The following TMOD3 variants were observed in gnomAD, a reference collection of about 807,000 sequenced individuals.
TMOD3 encodes tropomodulin 3.
Under a neutral mutation model 39.2 loss-of-function variants are expected in TMOD3, and 20 were observed. The ratio of observed to expected loss-of-function variants is 0.51; its 90% confidence interval spans 0.36 to 0.74. The LOEUF (loss-of-function observed/expected upper bound fraction) is 0.74. TMOD3 is among the 30% of genes least tolerant of loss of function. The pLI, the probability that TMOD3 is intolerant of heterozygous loss-of-function variation, is 0.00. For missense variants in TMOD3, 381 were observed against 412.8 expected (o/e 0.92, Z 0.67); for synonymous variants, 143 against 145.8 (o/e 0.98, Z 0.14).
chr15:51,872,865 G>A (rs1485146952), intron 3 of TMOD3, among the ~76,000 whole-genome samples: 1 of 152,096 alleles, frequency 6.6e-6, no homozygotes, highest in Non-Finnish European at 1.5e-5. Context: ...ATGGAGGAGC[G>A]GTCCAGAACA....
At chr15:51,891,501 G>A (rs1383108742) in intron 5 of TMOD3, among the ~76,000 whole-genome samples, 1 of 152,020 alleles carries the variant, frequency 6.6e-6, no homozygotes, top group Non-Finnish European at 1.5e-5. Context: ...TCCTCTTTGG[G>A]GGAATGAGAT....
chr15:51,877,842 A>G (rs542159259), intron 3 of TMOD3, among the ~76,000 whole-genome samples: 6 of 152,004 alleles, frequency 3.9e-5, no homozygotes, highest in African/African-American at 1.4e-4. Flanking sequence ...AACAGGTTCT[A>G]TTCCCAGCTC....
Position 51,908,762 on chromosome 15 carries a change from T to C in TMOD3, c.1025-14T>C. 3.1e-6 allele frequency: 5 copies of C among 1,591,866 alleles called. No homozygotes were observed. Among genetic ancestry groups the C allele is most frequent in the Non-Finnish European group, 4.3e-6 (5 of 1,171,572 alleles). ...TAGGGATTTCTAACATAGTTTCTTT[T>C]ATTTTTCTCATAGTGCGTAAGAGAC... On this transcript the variant is annotated splice_polypyrimidine_tract_variant and intron_variant, in intron 9 of 9. Transcript: ENST00000308580.
intron 3 of TMOD3, among the ~76,000 whole-genome samples, chr15:51,869,819 T>G (rs908599462): frequency 6.6e-6 from 1 of 152,252 alleles, no homozygotes; most frequent in Non-Finnish European, 1.5e-5. Flanking sequence ...TGGTTATGAT[T>G]GCTAATGCTT....
intron 9 of TMOD3, among the ~76,000 whole-genome samples, chr15:51,905,898 T>C (rs1297794551): frequency 1.6e-5 from 2 of 125,042 alleles, no homozygotes; most frequent in African/African-American, 6.6e-5. Flanking sequence ...GAGCCGAGAT[T>C]GCGCCACTGC....
intron 1 of TMOD3, chr15:51,833,185 A>G (rs751761719): frequency 6.6e-6 from 1 of 152,260 alleles, no homozygotes; most frequent in Non-Finnish European, 1.5e-5. Context: ...ATGTATGTGA[A>G]CATACATTCT....
chr15:51,892,467 C>T (rs1247591697), intron 5 of TMOD3: 3 of 152,244 alleles, frequency 2.0e-5, no homozygotes, highest in Non-Finnish European at 2.9e-5. Flanking sequence ...CATCATATTC[C>T]TGTGTGGGTA....
chr15:51,906,811 A>G (rs1004313163), intron 9 of TMOD3, among the ~76,000 whole-genome samples: 1 of 152,112 alleles, frequency 6.6e-6, no homozygotes, highest in Non-Finnish European at 1.5e-5. Flanking sequence ...ACCTGAGGTC[A>G]GGAGTTCGAG....
intron 3 of TMOD3, 134 bp from the exon 4 acceptor site, chr15:51,887,455 A>C: frequency 4.2e-6 from 4 of 959,588 alleles, no homozygotes; most frequent in Non-Finnish European, 4.5e-6. Context: ...AATCTATGTC[A>C]GAGATAAAAC....
At position 51,861,684 on chromosome 15, in the gene TMOD3, G is replaced by A. The variant is rs142928069; in HGVS notation, c.-74-1127G>A. Among the ~76,000 whole-genome samples, 138 of 148,364 alleles carry A rather than the reference G, an allele frequency of 9.3e-4. 1 individual carries two copies. The highest frequency in any genetic ancestry group is 3.4e-3 in the African/African-American group (135 of 40,124). On this transcript the variant is annotated intron_variant, in intron 1 of 9. Transcript: ENST00000308580. Reference sequence around the variant, plus strand: ...TTTTTTTTTTTTTTTTTGAGACAAGGTCTTGCTATGTCACCCAGGCTAGAG... The same window carrying A: ...TTTTTTTTTTTTTTTTTGAGACAAGATCTTGCTATGTCACCCAGGCTAGAG...
rs1368334544 is a variant in TMOD3, at chr15:51,862,936, G to A, written c.52G>A (p.Asp18Asn). The change falls in exon 2 of 10, where the codon GAT (aspartate) becomes AAT (asparagine). Residue 18 changes from aspartate to asparagine, a missense_variant. Physicochemically the swap from Asp to Asn is conservative, Grantham distance 23 (BLOSUM62 1). Transcript: ENST00000308580. ...AGAAAAGTACAAAGACCTTGATGAA[G>A]ATGAGCTCCTTGGGAATCTGTCAGA... ...DLEKYKDLDE[D>N]ELLGNLSETE... is the part of the protein sequence containing the mutation. 6 of 1,613,988 alleles carry A rather than the reference G, an allele frequency of 3.7e-6. No individual in the cohort carries two copies. The highest frequency in any genetic ancestry group is 5.1e-6 in the Non-Finnish European group (6 of 1,179,960).
intron 2 of TMOD3, 96 bp downstream of exon 2, chr15:51,863,106 C>G: frequency 7.8e-7 from 1 of 1,280,376 alleles, no homozygotes; most frequent in Non-Finnish European, 1.1e-6. Context: ...TTCTCTGGCA[C>G]CTTCCACCCT....
Position 51,889,084 on chromosome 15 carries a change from G to A in TMOD3, c.435G>A (p.Thr145=), listed in dbSNP as rs370585308. The A allele has an allele frequency of 8.2e-6, 13 of 1,582,220 alleles. No individual in the cohort carries two copies. In the Middle Eastern group the frequency reaches 5.0e-4, roughly 61 times the overall value. ...TTCTTGGGATGCACAATTTGATAACGAATACAAAGTTCTGTAATATAATGG... is the reference window on the plus strand; with the variant it reads ...TTCTTGGGATGCACAATTTGATAACAAATACAAAGTTCTGTAATATAATGG... ...AAILGMHNLI[T]NTKFCNIMGS... is the part of the protein sequence containing the mutation. Residue 145 remains threonine, a synonymous_variant, in exon 5 of 10, where the codon ACG becomes ACA. Coordinates refer to ENST00000308580, the MANE Select transcript of TMOD3 (RefSeq NM_014547.5).
chr15:51,872,351 C>G (rs187061403), intron 3 of TMOD3, among the ~76,000 whole-genome samples: 134 of 151,998 alleles, frequency 8.8e-4, no homozygotes, highest in Admixed American at 3.3e-3. Context: ...CGAGGTTGCT[C>G]TACTGTACTC....
At chr15:51,903,412 A>G (rs1361227780) in intron 9 of TMOD3, among the ~76,000 whole-genome samples, 2 of 152,256 alleles carry the variant, frequency 1.3e-5, no homozygotes, top group African/African-American at 4.8e-5. Flanking sequence ...TGACATTTCA[A>G]CGTGTTGCCA....
At chr15:51,878,262 T>G (rs913879837) in intron 3 of TMOD3, among the ~76,000 whole-genome samples, 7 of 152,216 alleles carry the variant, frequency 4.6e-5, no homozygotes, top group African/African-American at 1.7e-4. Flanking sequence ...CCAGGTATGG[T>G]AACTCATGCC....
intron 3 of TMOD3, among the ~76,000 whole-genome samples, chr15:51,871,537 A>G (rs1441261795): frequency 6.6e-6 from 1 of 152,236 alleles, no homozygotes; most frequent in African/African-American, 2.4e-5. Context: ...GAAGGAGAAA[A>G]AATAAGAGAC....
intron 5 of TMOD3, among the ~76,000 whole-genome samples, chr15:51,890,939 T>C (rs568222233): frequency 4.5e-4 from 69 of 152,120 alleles, no homozygotes; most frequent in Non-Finnish European, 9.3e-4. Flanking sequence ...ACCCTTCTAC[T>C]TTTTTTTCTT....
chr15:51,841,865 G>T (rs1187612763), intron 1 of TMOD3, among the ~76,000 whole-genome samples: 1 of 152,170 alleles, frequency 6.6e-6, no homozygotes, highest in Non-Finnish European at 1.5e-5. Flanking sequence ...CGCTTCCTGT[G>T]TTCAAGCGAT....
Sources: gnomAD v4.1 joint callset for allele counts (sites outside exome capture counted in the v4.1 genomes callset) on GRCh38, gnomAD v4.1.1 for gene constraint, MANE v1.5 for transcripts, NCBI Gene and HGNC (gene_info 2026-07-23, HGNC 2026-07-21) for gene names.